The following ANGPT1 variants were observed in gnomAD, a reference collection of about 807,000 sequenced individuals.
ANGPT1 encodes angiopoietin-1.
In ANGPT1, 17 loss-of-function variants were observed where a neutral mutation model predicts 62.2. The observed-to-expected ratio is 0.27, with a 90% CI of 0.19 to 0.41. ANGPT1 has a LOEUF of 0.41. Ranked by LOEUF, ANGPT1 falls within the 10% of genes least tolerant of loss-of-function variation. The pLI is 1.00. For synonymous variants in ANGPT1, 199 were observed against 198.9 expected (o/e 1.00, Z 0.00); for missense variants, 478 against 594.9 (o/e 0.80, Z 2.04).
chr8:107,417,128 G>A (rs1292522270), intron 1 of ANGPT1, among the ~76,000 whole-genome samples: 4 of 152,076 alleles, frequency 2.6e-5, no homozygotes, highest in African/African-American at 4.8e-5. Flanking sequence ...GAGAAGATTA[G>A]AGTATATTTT....
At chr8:107,480,565 G>A (rs1409896791) in intron 1 of ANGPT1, among the ~76,000 whole-genome samples, 1 of 152,190 alleles carries the variant, frequency 6.6e-6, no homozygotes, top group Non-Finnish European at 1.5e-5. Context: ...CACACACATA[G>A]AATTTTTTCT....
chr8:107,275,915 T>G (rs530097115), intron 7 of ANGPT1, among the ~76,000 whole-genome samples: 1 of 152,164 alleles, frequency 6.6e-6, no homozygotes, highest in African/African-American at 2.4e-5. Flanking sequence ...AGGAATCCTC[T>G]GGGAATCCTT....
intron 1 of ANGPT1, among the ~76,000 whole-genome samples, chr8:107,366,108 T>C (rs1184329581): frequency 6.6e-6 from 1 of 152,226 alleles, no homozygotes; most frequent in Admixed American, 6.5e-5. Context: ...AATTGGAAAT[T>C]GATGCTCAAA....
intron 1 of ANGPT1, among the ~76,000 whole-genome samples, chr8:107,431,889 C>A (rs1811196924): frequency 6.6e-6 from 1 of 152,112 alleles, no homozygotes; most frequent in Non-Finnish European, 1.5e-5. Context: ...CATACAAATA[C>A]CTTATAACAA....
rs183722765 is a variant in ANGPT1, at chr8:107,466,558, A to T, written c.297+30704T>A. On this transcript the variant is annotated intron_variant, in intron 1 of 8. Transcript: ENST00000517746. ...AGAATATAATTAAGGAAAGGGAATT[A>T]TTCGTAAAGCCAAGGAAAATCCAAG... Among the ~76,000 whole-genome samples the T allele has an allele frequency of 9.9e-5, 15 of 152,236 alleles. 1 individual carries two copies. The highest frequency in any genetic ancestry group is 1.6e-4 in the Non-Finnish European group (11 of 68,006).
At chr8:107,297,331 C>T (rs1241640268) in intron 5 of ANGPT1, among the ~76,000 whole-genome samples, 4 of 151,846 alleles carry the variant, frequency 2.6e-5, no homozygotes, top group Non-Finnish European at 5.9e-5. Context: ...TGCTACATTG[C>T]CTGAATTTAA....
chr8:107,255,710 T>A (rs1043968696), intron 8 of ANGPT1, among the ~76,000 whole-genome samples: 27 of 152,190 alleles, frequency 1.8e-4, no homozygotes, highest in Non-Finnish European at 2.6e-4. Context: ...TCATAATACA[T>A]AGATTCTAAG....
intron 3 of ANGPT1, among the ~76,000 whole-genome samples, chr8:107,323,016 T>A (rs973248262): frequency 2.0e-5 from 3 of 152,132 alleles, no homozygotes; most frequent in African/African-American, 7.2e-5. Flanking sequence ...AGTCACTGTA[T>A]AAATGGTAAC....
At position 107,293,989 on chromosome 8, in the gene ANGPT1, G is replaced by A. The variant is rs761638271; in HGVS notation, c.985C>T (p.His329Tyr). Residue 329 changes from histidine (H) to tyrosine (Y), a missense_variant, in exon 6 of 9, where the codon CAT (histidine) becomes TAT (tyrosine). His to Tyr is a moderately conservative substitution (Grantham distance 83). Coordinates refer to ENST00000517746, the MANE Select transcript of ANGPT1 (RefSeq NM_001146.5). ...VNGGGWTVIQ[H>Y]REDGSLDFQR... ...AAATCTAGACTTCCATCTTCACGATGTTGTATTACAGTCCAACCTCCCCCA... is the reference window on the plus strand; with the variant it reads ...AAATCTAGACTTCCATCTTCACGATATTGTATTACAGTCCAACCTCCCCCA... 1 of 1,613,500 alleles carries A rather than the reference G, an allele frequency of 6.2e-7. No homozygotes were observed. Among genetic ancestry groups the A allele is most frequent in the African/African-American group, 1.3e-5 (1 of 74,986 alleles).
chr8:107,462,003 ATTATAATGAG>A lies in ANGPT1; in HGVS notation c.297+35249_297+35258del, dbSNP rs548118928. On this transcript the variant is annotated intron_variant, in intron 1 of 8. Transcript: ENST00000517746. The stretch of plus-strand genomic sequence containing the variant: ...TGTGGTCAAAGCTTTATTCATTGCT[ATTATAATGAG>A]CACATGAGTGCTTTGCCTTGGACTA... Among the ~76,000 whole-genome samples, 11 of 152,238 alleles carry A rather than the reference ATTATAATGAG, an allele frequency of 7.2e-5. No homozygotes were observed. The East Asian group carries it at 2.1e-3, about 29-fold the overall frequency.
At chr8:107,281,550 G>A (rs1033008016) in intron 7 of ANGPT1, among the ~76,000 whole-genome samples, 33 of 152,078 alleles carry the variant, frequency 2.2e-4, no homozygotes, top group African/African-American at 6.0e-4. Context: ...AGGCTGAGGC[G>A]TGCGGATCAC....
At chr8:107,442,453 G>A (rs13273578) in intron 1 of ANGPT1, among the ~76,000 whole-genome samples, 35,382 of 152,002 alleles carry the variant, frequency 0.23, 4,451 homozygotes, top group East Asian at 0.57. Context: ...TTTTACAAAT[G>A]CCACATCTGC....
chr8:107,329,690 T>C (rs1815375479), intron 3 of ANGPT1, among the ~76,000 whole-genome samples: 1 of 152,010 alleles, frequency 6.6e-6, no homozygotes, highest in Non-Finnish European at 1.5e-5. Context: ...TGAGTCTCTG[T>C]GTGTCGTATG....
intron 1 of ANGPT1, among the ~76,000 whole-genome samples, chr8:107,356,231 AC>A (rs1361645507): frequency 1.3e-5 from 2 of 152,222 alleles, no homozygotes; most frequent in Non-Finnish European, 2.9e-5. Context: ...CTATTCCCAA[AC>A]ATCTCGACTA....
chr8:107,413,813 G>A (rs1335516361), intron 1 of ANGPT1, among the ~76,000 whole-genome samples: 2 of 152,038 alleles, frequency 1.3e-5, no homozygotes, highest in Admixed American at 1.3e-4. Context: ...CCACATTAGA[G>A]CGGGAAAGAA....
chr8:107,252,137 C>T, intron 8 of ANGPT1, 122 bp from the exon 9 acceptor site: 2 of 994,306 alleles, frequency 2.0e-6, no homozygotes, highest in Non-Finnish European at 3.0e-6. Context: ...TGCTTATTTG[C>T]AATTACGAGG....
chr8:107,297,929 T>C (rs17295555), intron 5 of ANGPT1, among the ~76,000 whole-genome samples: 23,274 of 151,792 alleles, frequency 0.15, 2,061 homozygotes, highest in Non-Finnish European at 0.19. Context: ...TTAGAAAGAT[T>C]TGAGACATGA....
intron 4 of ANGPT1, among the ~76,000 whole-genome samples, chr8:107,320,938 C>G (rs991351417): frequency 6.6e-6 from 1 of 152,148 alleles, no homozygotes; most frequent in Admixed American, 6.5e-5. Flanking sequence ...TGAACCACTT[C>G]ATGAATGGTC....
At chr8:107,296,950 T>C (rs929315486) in intron 5 of ANGPT1, among the ~76,000 whole-genome samples, 1 of 152,062 alleles carries the variant, frequency 6.6e-6, no homozygotes, top group Non-Finnish European at 1.5e-5. Context: ...TGCACTTAGT[T>C]TTTAAGTCAC....
Sources: gnomAD v4.1 joint callset for allele counts (sites outside exome capture counted in the v4.1 genomes callset) on GRCh38, gnomAD v4.1.1 for gene constraint, MANE v1.5 for transcripts, NCBI Gene and HGNC (gene_info 2026-07-23, HGNC 2026-07-21) for gene names.